The following CACNA1S variants were observed in gnomAD, a reference collection of about 807,000 sequenced individuals.
CACNA1S encodes the protein calcium voltage-gated channel subunit alpha1 S, also known as voltage-dependent L-type calcium channel subunit alpha-1S.
CACNA1S carries 126 observed loss-of-function variants against 207.4 expected under a neutral mutation model. The ratio of observed to expected loss-of-function variants is 0.61; its 90% CI spans 0.53 to 0.70. The LOEUF (loss-of-function observed/expected upper bound fraction) is 0.70, where lower values mean the gene tolerates loss of function less well. Ranked by LOEUF, CACNA1S falls within the 30% of genes least tolerant of loss-of-function variation. The probability of loss-of-function intolerance (pLI) is 0.00; values close to 1 mark genes in which losing one functional copy is unlikely to be tolerated. For synonymous variants in CACNA1S, 960 were observed against 932.7 expected, an observed-to-expected ratio of 1.03 and a Z score of -0.53; for missense variants, 2,349 against 2,422.8, an observed-to-expected ratio of 0.97 and a Z score of 0.64.
intron 2 of CACNA1S, among the ~76,000 whole-genome samples, chr1:201,094,790 T>C (rs1422764794): frequency 6.6e-6 from 1 of 152,074 alleles, no homozygotes; most frequent in Non-Finnish European, 1.5e-5. Flanking sequence ...GGTAAGAAGC[T>C]GAGGTTTCAG....
At chr1:201,048,396 G>A (rs1456199923) in intron 36 of CACNA1S, among the ~76,000 whole-genome samples, 186 bp downstream of exon 36, 2 of 152,204 alleles carry the variant, frequency 1.3e-5, no homozygotes, top group African/African-American at 4.8e-5. Flanking sequence ...TTGCCCTGCA[G>A]AAAACCCTCA....
At position 201,069,604 on chromosome 1, in the gene CACNA1S, G is replaced by A. The variant is rs774194599; in HGVS notation, c.2361-3C>T. ...TGCGGTGACACAGGACACGGATCCT[G>A]GTGGGGCGAGGTAGGGAGGGCAGGG... is the stretch of plus-strand genomic sequence containing the variant. On this transcript the variant is annotated splice_polypyrimidine_tract_variant and splice_region_variant and intron_variant, in intron 17 of 43. Coordinates refer to ENST00000362061, the MANE Select transcript of CACNA1S (RefSeq NM_000069.3). 41 of 1,552,392 alleles carry A rather than the reference G, an allele frequency of 2.6e-5. No individual in the cohort carries two copies. The Admixed American group carries it at 7.8e-4, about 30-fold the overall frequency.
Position 201,060,733 on chromosome 1 carries a change from G to A in CACNA1S, c.3339C>T (p.Tyr1113=). 6.2e-7 allele frequency: 1 copy of A among 1,614,222 alleles called. No homozygotes were observed. The highest frequency in any genetic ancestry group is 8.5e-7 in the Non-Finnish European group (1 of 1,180,034). Residue 1113 remains tyrosine, a synonymous_variant, in exon 26 of 44, where the codon TAC becomes TAT. Transcript: ENST00000362061. ...PKNPYQYQVW[Y]IVTSSYFEYL... ...ATTCAAAGTAGGAGGAGGTGACAATGTACCACACCTGGTACTGGTATGGGT... is the reference window on the plus strand; with the variant it reads ...ATTCAAAGTAGGAGGAGGTGACAATATACCACACCTGGTACTGGTATGGGT...
chr1:201,042,778 A>C (rs1660313209), intron 40 of CACNA1S: 1 of 173,124 alleles, frequency 5.8e-6, no homozygotes, highest in South Asian at 1.3e-4. Flanking sequence ...CTAGCCCCTA[A>C]GTTATGATTG....
chr1:201,065,497 G>A (rs1431848754), intron 22 of CACNA1S, among the ~76,000 whole-genome samples: 1 of 152,212 alleles, frequency 6.6e-6, no homozygotes, highest in Non-Finnish European at 1.5e-5. Context: ...ATAGCTTTAA[G>A]AGATGGGGCT....
chr1:201,054,447 A>T, intron 29 of CACNA1S, 58 bp downstream of exon 29: 1 of 1,517,746 alleles, frequency 6.6e-7, no homozygotes, highest in Non-Finnish European at 9.2e-7. Context: ...CCATGCATGC[A>T]AGTGGCAGGG....
chr1:201,106,772 C>G (rs535143379), intron 2 of CACNA1S, among the ~76,000 whole-genome samples: 10 of 152,266 alleles, frequency 6.6e-5, no homozygotes, highest in Admixed American at 6.5e-4. Flanking sequence ...CAGGCATCTC[C>G]CCTTCACTCA....
intron 42 of CACNA1S, 29 bp from the exon 43 acceptor site, chr1:201,040,403 C>T (rs755540029): frequency 6.2e-7 from 1 of 1,610,718 alleles, no homozygotes; most frequent in Non-Finnish European, 8.5e-7. Flanking sequence ...AGCAAAGACC[C>T]CGACAGGGGT....
rs1660695222 is a variant in CACNA1S, at chr1:201,052,635, A to T, written c.3875T>A (p.Ile1292Asn). Residue 1292 changes from isoleucine (I) to asparagine (N), a missense_variant, in exon 32 of 44, where the codon ATC becomes AAC. By Grantham distance (149) the Ile-to-Asn change is moderately radical. Transcript: ENST00000362061. ...TATTTGGGTCCCATCCACCAAGGCG[A>T]TCTTCCCAAACATCTGCAAGTCACA... ...AVIGMQMFGK[I>N]ALVDGTQINR... 1 of 1,613,686 alleles carries T rather than the reference A, an allele frequency of 6.2e-7. No individual in the cohort carries two copies. The highest frequency in any genetic ancestry group is 8.5e-7 in the Non-Finnish European group (1 of 1,179,780).
intron 5 of CACNA1S, 52 bp from the exon 6 acceptor site, chr1:201,089,515 G>C (rs377052421): frequency 6.4e-7 from 1 of 1,558,532 alleles, no homozygotes; most frequent in Admixed American, 1.7e-5. Flanking sequence ...GGTGGACAAC[G>C]ACAGGAGGAA....
intron 2 of CACNA1S, among the ~76,000 whole-genome samples, chr1:201,103,143 G>T (rs750895854): frequency 5.3e-5 from 8 of 152,056 alleles, no homozygotes; most frequent in Non-Finnish European, 1.2e-4. Flanking sequence ...CTATGCGGGA[G>T]GCTGAGACAG....
At chr1:201,103,177 T>C (rs1662741506) in intron 2 of CACNA1S, among the ~76,000 whole-genome samples, 2 of 144,602 alleles carry the variant, frequency 1.4e-5, no homozygotes, top group South Asian at 2.2e-4. Context: ...ACCTGGGAAG[T>C]GGAGGTTGTA....
intron 21 of CACNA1S, 40 bp from the exon 22 acceptor site, chr1:201,065,985 A>C: frequency 8.7e-6 from 12 of 1,377,282 alleles, no homozygotes; most frequent in South Asian, 1.2e-5. Flanking sequence ...GGGTGCACCC[A>C]CAGTAACCCT....
chr1:201,048,833 A>G lies in CACNA1S; in HGVS notation c.4339-149T>C, dbSNP rs535739565. Reference sequence around the variant, plus strand: ...AGGACATCCTTTGTGAGGGGACAGAATGATGAGTTGGGTGACATTGCTGAG... The same window carrying G: ...AGGACATCCTTTGTGAGGGGACAGAGTGATGAGTTGGGTGACATTGCTGAG... On this transcript the variant is annotated intron_variant, in intron 35 of 43. Transcript: ENST00000362061. 378 of 839,668 alleles carry G rather than the reference A, an allele frequency of 4.5e-4. 4 individuals carry two copies. Among genetic ancestry groups the G allele is most frequent in the South Asian group, 2.9e-3 (209 of 71,098 alleles). 52.0% of individuals were successfully genotyped at this position (839,668 alleles called of 1,614,324 possible).
chr1:201,081,374 G>T (rs964880662), intron 10 of CACNA1S, among the ~76,000 whole-genome samples: 1 of 152,218 alleles, frequency 6.6e-6, no homozygotes, highest in Admixed American at 6.5e-5. Context: ...TTACTTGTTT[G>T]TAGTGGGGAG....
At position 201,084,986 on chromosome 1, in the gene CACNA1S, T is replaced by C. The variant is rs1376794283; in HGVS notation, c.1196A>G (p.Tyr399Cys). 2 of 1,612,928 alleles carry C rather than the reference T, an allele frequency of 1.2e-6. No homozygotes were observed. ...GATTTTGTTCAAGCCTGCAATTTCA[T>C]ACAGGCTCTCTGTGTCAGAGCCACC... ...DEGGSDTESL[Y>C]EIAGLNKIIQ... is the part of the protein sequence containing the mutation. The change falls in exon 9 of 44, where the codon TAT becomes TGT. Residue 399 changes from tyrosine to cysteine, a missense_variant. By Grantham distance (194) the Tyr-to-Cys change is radical. Transcript: ENST00000362061.
intron 9 of CACNA1S, among the ~76,000 whole-genome samples, chr1:201,083,712 GACAGT>G (rs1661926400): frequency 6.6e-6 from 1 of 152,226 alleles, no homozygotes; most frequent in East Asian, 1.9e-4. Context: ...AATGAGCTTT[GACAGT>G]ACAATCTTTT....
At chr1:201,111,169 A>C (rs79018219) in intron 1 of CACNA1S, among the ~76,000 whole-genome samples, 11,295 of 152,026 alleles carry the variant, frequency 0.074, 1,300 homozygotes, top group African/African-American at 0.25. Flanking sequence ...TGTGGGCGAT[A>C]TACCGCCTGG....
intron 2 of CACNA1S, among the ~76,000 whole-genome samples, chr1:201,106,682 T>G (rs962783972): frequency 2.0e-5 from 3 of 152,058 alleles, no homozygotes; most frequent in Non-Finnish European, 4.4e-5. Flanking sequence ...CACAAGCGCC[T>G]CCTCCTAATC....
Sources: allele counts gnomAD v4.1 joint callset (sites outside exome capture counted in the v4.1 genomes callset), GRCh38; gene constraint gnomAD v4.1.1; transcripts MANE v1.5; gene names NCBI Gene and HGNC (gene_info 2026-07-23, HGNC 2026-07-21).